Variants in CDH12 observed in about 807,000 individuals in gnomAD.
The protein encoded by CDH12 is cadherin 12.
A neutral mutation model predicts 74.1 loss-of-function variants in CDH12; 41 were observed. That is an observed-to-expected ratio of 0.55 (90% CI 0.43 to 0.72). The LOEUF (loss-of-function observed/expected upper bound fraction) is 0.72, where lower values mean the gene tolerates loss of function less well. CDH12 is among the 30% of genes least tolerant of loss of function. CDH12 has a pLI of 0.00. For synonymous variants in CDH12, 399 were observed against 355.0 expected (o/e 1.12, Z -1.39); for missense variants, 945 against 977.2 (o/e 0.97, Z 0.44).
intron 2 of CDH12, among the ~76,000 whole-genome samples, chr5:22,469,816 CCAAA>C (rs1298937192): frequency 6.6e-6 from 1 of 152,050 alleles, no homozygotes; most frequent in Admixed American, 6.6e-5. Flanking sequence ...GTCAATGTGT[CCAAA>C]CACTCTCCTT....
chr5:21,876,388 A>G (rs550453392), intron 6 of CDH12, among the ~76,000 whole-genome samples: 16 of 152,282 alleles, frequency 1.1e-4, no homozygotes, highest in African/African-American at 3.8e-4. Context: ...TAACTCTACA[A>G]TCTTGTTCAT....
intron 1 of CDH12, among the ~76,000 whole-genome samples, chr5:22,622,161 AATG>A (rs1452262734): frequency 6.6e-6 from 1 of 152,224 alleles, no homozygotes; most frequent in East Asian, 1.9e-4. Flanking sequence ...AAAGCTAAAA[AATG>A]ATGAGATGAT....
chr5:22,230,391 C>T (rs567325545), intron 3 of CDH12, among the ~76,000 whole-genome samples: 1 of 152,084 alleles, frequency 6.6e-6, no homozygotes, highest in African/African-American at 2.4e-5. Flanking sequence ...ATTCTCACCA[C>T]TGCCATTCAC....
At chr5:22,358,812 G>T (rs1383835560) in intron 3 of CDH12, among the ~76,000 whole-genome samples, 1 of 152,170 alleles carries the variant, frequency 6.6e-6, no homozygotes, top group Non-Finnish European at 1.5e-5. Context: ...ACTGATGGTA[G>T]TTCACATTGA....
intron 1 of CDH12, among the ~76,000 whole-genome samples, chr5:22,810,385 C>T (rs1389162993): frequency 6.6e-6 from 1 of 152,028 alleles, no homozygotes; most frequent in Non-Finnish European, 1.5e-5. Context: ...TTTGAATTGC[C>T]AGTTGTTAAA....
At chr5:22,554,724 A>G in intron 1 of CDH12, among the ~76,000 whole-genome samples, 1 of 152,066 alleles carries the variant, frequency 6.6e-6, no homozygotes, top group East Asian at 1.9e-4. Context: ...GCATAAAGTG[A>G]CTTACTATCA....
chr5:21,773,580 T>A (rs1384360476), intron 11 of CDH12, among the ~76,000 whole-genome samples: 1 of 152,160 alleles, frequency 6.6e-6, no homozygotes, highest in East Asian at 1.9e-4. Flanking sequence ...ACGCTGCAAC[T>A]ATTGCCTTCC....
chr5:22,613,960 A>G (rs1207706140), intron 1 of CDH12, among the ~76,000 whole-genome samples: 1 of 152,138 alleles, frequency 6.6e-6, no homozygotes, highest in Non-Finnish European at 1.5e-5. Flanking sequence ...TGCTTAAAAG[A>G]AAGTCTAAAG....
chr5:22,731,122 A>C (rs777013290), intron 1 of CDH12, among the ~76,000 whole-genome samples: 1 of 151,782 alleles, frequency 6.6e-6, no homozygotes, highest in Non-Finnish European at 1.5e-5. Flanking sequence ...ATATTGTTTA[A>C]AATCCTCTGT....
chr5:22,784,035 C>T (rs1318316567), intron 1 of CDH12, among the ~76,000 whole-genome samples: 1 of 151,922 alleles, frequency 6.6e-6, no homozygotes, highest in Non-Finnish European at 1.5e-5. Context: ...GGTCTGAGGG[C>T]AGTCCTGATT....
chr5:22,400,933 G>A (rs1742703164), intron 3 of CDH12, among the ~76,000 whole-genome samples: 1 of 152,074 alleles, frequency 6.6e-6, no homozygotes, highest in South Asian at 2.1e-4. Context: ...GGCTACGTAA[G>A]ATGATTGATA....
intron 5 of CDH12, among the ~76,000 whole-genome samples, chr5:21,983,806 T>G (rs899917234): frequency 6.6e-6 from 1 of 152,162 alleles, no homozygotes; most frequent in Non-Finnish European, 1.5e-5. Flanking sequence ...TTACTTTATT[T>G]ATTGGTAATG....
At chr5:22,564,842 T>C (rs1739217844) in intron 1 of CDH12, among the ~76,000 whole-genome samples, 1 of 152,262 alleles carries the variant, frequency 6.6e-6, no homozygotes, top group South Asian at 2.1e-4. Context: ...ATCTTGGTTA[T>C]AGTGAATAGT....
chr5:22,656,710 G>T (rs983419657), intron 1 of CDH12, among the ~76,000 whole-genome samples: 2 of 152,148 alleles, frequency 1.3e-5, no homozygotes, highest in Admixed American at 6.5e-5. Context: ...ACTCATGTAT[G>T]TGCCACAAAA....
chr5:22,681,228 G>GTGTGTGTGTGT (rs869281805), intron 1 of CDH12, among the ~76,000 whole-genome samples: 60 of 105,820 alleles, frequency 5.7e-4, no homozygotes, highest in African/African-American at 1.8e-3. Flanking sequence ...GGTATTGGGG[G>GTGTGTGTGTGT]GTGTGTGTGT....
chr5:21,959,721 A>G (rs917874873), intron 6 of CDH12, among the ~76,000 whole-genome samples: 5 of 148,906 alleles, frequency 3.4e-5, no homozygotes, highest in African/African-American at 7.5e-5. Context: ...CATCCTGGCC[A>G]ACATTGTGAA....
intron 6 of CDH12, among the ~76,000 whole-genome samples, chr5:21,861,937 A>C (rs1162601415): frequency 1.4e-5 from 2 of 146,414 alleles, no homozygotes. Flanking sequence ...TATAAGCTGC[A>C]CTCTTTCTTA....
At chr5:21,978,332 A>C (rs1330620541) in intron 5 of CDH12, among the ~76,000 whole-genome samples, 1 of 152,120 alleles carries the variant, frequency 6.6e-6, no homozygotes, top group Non-Finnish European at 1.5e-5. Context: ...TGATAGAGAC[A>C]GGGTTTCACC....
chr5:22,784,623 C>T (rs1345927532), intron 1 of CDH12, among the ~76,000 whole-genome samples: 4 of 152,134 alleles, frequency 2.6e-5, no homozygotes, highest in African/African-American at 9.7e-5. Context: ...ACTCATCAAT[C>T]TACCAGTTCA....
Sources: allele counts gnomAD v4.1 joint callset (sites outside exome capture counted in the v4.1 genomes callset), GRCh38; gene constraint gnomAD v4.1.1; transcripts MANE v1.5; gene names NCBI Gene and HGNC (gene_info 2026-07-23, HGNC 2026-07-21).